Variants in DHX34 observed in about 807,000 individuals in gnomAD.
The protein encoded by DHX34 is probable ATP-dependent RNA helicase DHX34.
In DHX34, 96 loss-of-function variants were observed where a neutral mutation model predicts 111.1. The observed-to-expected ratio is 0.86, with a 90% CI of 0.73 to 1.02. DHX34 has a LOEUF of 1.02. Among genes scored for constraint, DHX34 ranks in the 50% least tolerant of loss-of-function variants. The probability of loss-of-function intolerance (pLI) is 0.00; values close to 1 mark genes in which losing one functional copy is unlikely to be tolerated. For synonymous variants in DHX34, 688 were observed against 670.4 expected (o/e 1.03, Z -0.41); for missense variants, 1,560 against 1,579.9 (o/e 0.99, Z 0.21).
chr19:47,352,669 T>C (rs890845128), intron 1 of DHX34, 85 bp from the exon 2 acceptor site: 4 of 215,352 alleles, frequency 1.9e-5, no homozygotes, highest in Non-Finnish European at 2.8e-5. Context: ...AGTGAGACCC[T>C]GCCTCAAAAA....
rs1411557559 is a variant in DHX34, at chr19:47,353,731, C to T, written c.701C>T (p.Ser234Leu). Residue 234 changes from serine (S) to leucine (L), a missense_variant, in exon 2 of 17, where the codon TCA becomes TTA. Coordinates refer to ENST00000328771, the MANE Select transcript of DHX34 (RefSeq NM_014681.6). This position sits in a 1 kb window ranked among gnomAD's most constrained non-coding sequence, Gnocchi z 4.6. ...TTTGAGAGCCTCAGTCAGTATGGCT[C>T]ACAGGTGAGTGGGACGCACCAGGTT... The part of the protein sequence containing the change: ...VGFESLSQYG[S>L]QVGYQIRFES... 6.3e-7 allele frequency: 1 copy of T among 1,579,994 alleles called. No homozygotes were observed. Among genetic ancestry groups the T allele is most frequent in the Admixed American group, 1.8e-5 (1 of 56,508 alleles).
At chr19:47,377,396 A>G (rs1225036925) in intron 13 of DHX34, among the ~76,000 whole-genome samples, 190 bp downstream of exon 13, 1 of 152,164 alleles carries the variant, frequency 6.6e-6, no homozygotes. Flanking sequence ...TTAACCTGCC[A>G]AGTGCCTGCT....
Position 47,353,243 on chromosome 19 carries a change from G to A in DHX34, c.213G>A (p.Gln71=). The change falls in exon 2 of 17, where the codon CAG becomes CAA. Residue 71 remains glutamine (Q), a synonymous_variant. Transcript: ENST00000328771. The surrounding 1 kb of genome is among the most constrained non-coding windows in gnomAD (Gnocchi z 4.6). ...WTFFERLQRF[Q]NLKTSRKEEK... Reference sequence around the variant, plus strand: ...TCTTTGAACGCCTGCAGAGATTCCAGAATCTCAAGACCTCCAGGAAGGAGG... The same window carrying A: ...TCTTTGAACGCCTGCAGAGATTCCAAAATCTCAAGACCTCCAGGAAGGAGG... The A allele has an allele frequency of 1.9e-6, 3 of 1,614,162 alleles. No individual in the cohort carries two copies. Among genetic ancestry groups the A allele is most frequent in the Non-Finnish European group, 2.5e-6 (3 of 1,180,030 alleles).
Position 47,375,663 on chromosome 19 carries a change from G to A in DHX34, c.2262G>A (p.Arg754=), listed in dbSNP as rs984584535. ...ACGGCGGCTCCAGTGACGAGGACAG[G>A]GCTGGCCCAGCCCCCCCAGGGGCCA... The part of the protein sequence containing the change: ...EQDGGSSDED[R]AGPAPPGASD... The change falls in exon 10 of 17, where the codon AGG becomes AGA. Residue 754 remains arginine, a synonymous_variant. Coordinates refer to ENST00000328771, the MANE Select transcript of DHX34 (RefSeq NM_014681.6). 6.2e-5 allele frequency: 97 copies of A among 1,557,636 alleles called. No individual in the cohort carries two copies. Among genetic ancestry groups the A allele is most frequent in the Admixed American group, 3.7e-4 (19 of 50,940 alleles).
At chr19:47,372,462 TAGAC>T (rs1969993342) in intron 7 of DHX34, 2 of 364,188 alleles carry the variant, frequency 5.5e-6, no homozygotes, top group Non-Finnish European at 7.6e-6. Flanking sequence ...AGTCAGCGCT[TAGAC>T]AGTATCTCCT....
rs753535383 is a variant in DHX34 at position 47,360,066 on chromosome 19, T to G, written c.1371T>G (p.Asp457Glu). ...VTIDGIRFVVDSGKVKEMSYD... is the reference protein window; with the variant it reads ...VTIDGIRFVVESGKVKEMSYD... ...TTGACGGGATCCGCTTCGTAGTAGA[T>G]TCCGGTAAGGACCACCATGAGCCCC... Residue 457 changes from aspartate (D) to glutamate (E), a missense_variant, in exon 5 of 17, where the codon GAT becomes GAG. Transcript: ENST00000328771. The G allele has an allele frequency of 6.2e-7, 1 of 1,613,796 alleles. No homozygotes were observed. Among genetic ancestry groups the G allele is most frequent in the African/African-American group, 1.3e-5 (1 of 74,890 alleles).
intron 7 of DHX34, among the ~76,000 whole-genome samples, chr19:47,370,029 C>T (rs1042836811): frequency 6.6e-6 from 1 of 152,162 alleles, no homozygotes; most frequent in Non-Finnish European, 1.5e-5. Context: ...GGCCAGCAGA[C>T]CCTCTGACCC....
intron 4 of DHX34, 51 bp from the exon 5 acceptor site, chr19:47,359,917 G>A (rs1376507504): frequency 1.2e-6 from 2 of 1,613,128 alleles, no homozygotes; most frequent in Non-Finnish European, 8.5e-7. Flanking sequence ...GGACACATAG[G>A]TTAGTCGGGG....
At chr19:47,365,229 GTTATTTAT>G (rs369713446) in intron 6 of DHX34, among the ~76,000 whole-genome samples, 44 of 145,374 alleles carry the variant, frequency 3.0e-4, no homozygotes, top group South Asian at 6.7e-4. Context: ...TAATGTAAAG[GTTATTTAT>G]TTATTTATTT....
In DHX34 at chr19:47,375,916, C is replaced by G; in HGVS notation, c.2308-8C>G. ...CCCTAAGACTCTGCCTCCCCGTGCT[C>G]CCCCCAGGATGTGAAGTTCAAGCTT... is the stretch of plus-strand genomic sequence containing the variant. On this transcript the variant is annotated splice_region_variant and splice_polypyrimidine_tract_variant and intron_variant, in intron 10 of 16. Transcript: ENST00000328771. 6.3e-7 allele frequency: 1 copy of G among 1,597,680 alleles called. No homozygotes were observed. Among genetic ancestry groups the G allele is most frequent in the African/African-American group, 1.4e-5 (1 of 73,858 alleles).
intron 7 of DHX34, among the ~76,000 whole-genome samples, chr19:47,367,874 C>G (rs1320247200): frequency 5.4e-5 from 7 of 128,446 alleles, no homozygotes; most frequent in Admixed American, 9.5e-5. Context: ...CTAGCCTGGG[C>G]GACAGAGCGA....
At chr19:47,364,038 T>C (rs2122264793) in intron 6 of DHX34, among the ~76,000 whole-genome samples, 1 of 152,088 alleles carries the variant, frequency 6.6e-6, no homozygotes, top group Middle Eastern at 3.4e-3. Context: ...AGCGGAATGG[T>C]GGTTTACAGG....
intron 7 of DHX34, among the ~76,000 whole-genome samples, chr19:47,368,037 AC>A (rs1281413411): frequency 6.6e-6 from 1 of 151,812 alleles, no homozygotes; most frequent in Non-Finnish European, 1.5e-5. Flanking sequence ...GTTATTTTTT[AC>A]CATACGACGT....
chr19:47,375,264 C>T (rs1970099076), intron 9 of DHX34: 1 of 984,916 alleles, frequency 1.0e-6, no homozygotes, highest in South Asian at 4.7e-5. Flanking sequence ...TCCTCTTGCC[C>T]CTGGCCCCGG....
chr19:47,376,460 C>T lies in DHX34; in HGVS notation c.2499C>T (p.Ala833=), dbSNP rs1360512554. ...CTCCGCAGATTTTCCACACGCAGGCCAAGCAGGGCGCCGTGCTGCACCCCA... is the reference window on the plus strand; with the variant it reads ...CTCCGCAGATTTTCCACACGCAGGCTAAGCAGGGCGCCGTGCTGCACCCCA... The part of the protein sequence containing the change: ...KDSDQIFHTQ[A]KQGAVLHPTC... Residue 833 remains alanine, a synonymous_variant, in exon 12 of 17, where the codon GCC becomes GCT. Coordinates refer to ENST00000328771, the MANE Select transcript of DHX34 (RefSeq NM_014681.6). 1.1e-5 allele frequency: 17 copies of T among 1,611,796 alleles called. No individual in the cohort carries two copies. The highest frequency in any genetic ancestry group is 1.4e-5 in the Non-Finnish European group (17 of 1,179,222).
chr19:47,364,893 C>T (rs564477150), intron 6 of DHX34, among the ~76,000 whole-genome samples: 3 of 152,252 alleles, frequency 2.0e-5, no homozygotes, highest in South Asian at 4.1e-4. Context: ...GAGCCTGCTT[C>T]GTGAGTGGCC....
Position 47,375,341 on chromosome 19 carries a change from C to T in DHX34, c.2065-125C>T, listed in dbSNP as rs573214930. On this transcript the variant is annotated intron_variant, in intron 9 of 16. Coordinates refer to ENST00000328771, the MANE Select transcript of DHX34 (RefSeq NM_014681.6). Reference sequence around the variant, plus strand: ...GCAGCGATCCATGCCCAGCACCATGCGAGGGGCTGTTTTCAGCCCCCTTTG... The same window carrying T: ...GCAGCGATCCATGCCCAGCACCATGTGAGGGGCTGTTTTCAGCCCCCTTTG... The T allele has an allele frequency of 3.2e-5, 45 of 1,425,290 alleles. No individual in the cohort carries two copies. The South Asian group carries it at 3.3e-4, about 10-fold the overall frequency. The allele number at this position is 1,425,290 out of a possible 1,614,324, so 88.3% of individuals were successfully genotyped here. A position where few individuals can be genotyped will look rare whatever the true frequency, so the allele number is the denominator to read the frequency against.
At chr19:47,366,739 A>G (rs1343304137) in intron 6 of DHX34, 3 of 619,010 alleles carry the variant, frequency 4.8e-6, no homozygotes, top group East Asian at 1.5e-4. Context: ...CACCACCACT[A>G]ATTTTTGTAT....
chr19:47,370,119 C>T (rs1016367219), intron 7 of DHX34, among the ~76,000 whole-genome samples: 1 of 152,134 alleles, frequency 6.6e-6, no homozygotes, highest in South Asian at 2.1e-4. Flanking sequence ...TGGGTGTGGC[C>T]TGTGGTGTCT....
Sources: allele counts gnomAD v4.1 joint callset (sites outside exome capture counted in the v4.1 genomes callset), GRCh38; gene constraint gnomAD v4.1.1; non-coding constraint Gnocchi (gnomAD v3.1); transcripts MANE v1.5; gene names NCBI Gene and HGNC (gene_info 2026-07-23, HGNC 2026-07-21).